DNM3: variants seen among roughly 807,000 people sequenced by gnomAD.
DNM3 encodes dynamin-3.
DNM3 carries 47 observed loss-of-function variants against 101.6 expected under a neutral mutation model. That is an observed-to-expected ratio of 0.46 (90% CI 0.37 to 0.59). The LOEUF is 0.59. DNM3 is among the 20% of genes least tolerant of loss of function. The pLI, the probability that DNM3 is intolerant of heterozygous loss-of-function variation, is 0.00. For missense variants in DNM3, 849 were observed against 1,085.7 expected, an observed-to-expected ratio of 0.78 and a Z score of 3.06; for synonymous variants, 385 against 387.9, an observed-to-expected ratio of 0.99 and a Z score of 0.09.
At chr1:172,058,257 C>A (rs1164739491) in intron 10 of DNM3, among the ~76,000 whole-genome samples, 1 of 151,916 alleles carries the variant, frequency 6.6e-6, no homozygotes, top group African/African-American at 2.4e-5. Flanking sequence ...GAGACTTTAA[C>A]ACCCCACTGT....
At chr1:172,079,579 T>C (rs12568927) in intron 11 of DNM3, among the ~76,000 whole-genome samples, 4,541 of 152,190 alleles carry the variant, frequency 0.03, 161 homozygotes, top group East Asian at 0.14. Context: ...TCCTTTAGCT[T>C]GGAGGAGTTT....
At chr1:172,348,384 A>G (rs536820675) in intron 17 of DNM3, among the ~76,000 whole-genome samples, 8 of 152,326 alleles carry the variant, frequency 5.3e-5, no homozygotes, top group African/African-American at 1.9e-4. Context: ...CACCAAAGAA[A>G]AAAAGATCCT....
intron 1 of DNM3, among the ~76,000 whole-genome samples, chr1:171,861,549 C>T (rs1396323466): frequency 6.6e-6 from 1 of 152,030 alleles, no homozygotes; most frequent in African/African-American, 2.4e-5. Flanking sequence ...CAAAAGAATA[C>T]ATTGGGGCCC....
intron 14 of DNM3, among the ~76,000 whole-genome samples, chr1:172,229,027 C>T (rs2061239709): frequency 6.6e-6 from 1 of 152,134 alleles, no homozygotes; most frequent in African/African-American, 2.4e-5. Context: ...TTCTAAATAA[C>T]ATCTTATCTA....
chr1:172,335,782 G>T (rs1203956490), intron 17 of DNM3, among the ~76,000 whole-genome samples: 1 of 152,136 alleles, frequency 6.6e-6, no homozygotes, highest in Admixed American at 6.5e-5. Flanking sequence ...AGACACTGGG[G>T]ACTACTGGAT....
At chr1:171,975,815 G>T (rs1225444405) in intron 2 of DNM3, among the ~76,000 whole-genome samples, 2 of 152,176 alleles carry the variant, frequency 1.3e-5, no homozygotes, top group East Asian at 3.9e-4. Context: ...AACATTATCT[G>T]ATCTCGAGAC....
intron 13 of DNM3, among the ~76,000 whole-genome samples, chr1:172,102,918 A>C (rs958254825): frequency 1.3e-5 from 2 of 152,154 alleles, no homozygotes; most frequent in African/African-American, 4.8e-5. Flanking sequence ...CTCACCAAAG[A>C]TATTATTTTA....
chr1:171,914,374 C>G (rs886304512), intron 1 of DNM3, among the ~76,000 whole-genome samples: 1 of 152,164 alleles, frequency 6.6e-6, no homozygotes, highest in African/African-American at 2.4e-5. Context: ...TCAGGCTTGT[C>G]TTGAACTCCC....
At chr1:171,966,340 C>G (rs371571854) in intron 2 of DNM3, among the ~76,000 whole-genome samples, 1 of 152,190 alleles carries the variant, frequency 6.6e-6, no homozygotes, top group Admixed American at 6.5e-5. Flanking sequence ...TGAAAGGTCT[C>G]TCACTAAGCA....
chr1:172,232,895 A>G (rs1020192013), intron 14 of DNM3, among the ~76,000 whole-genome samples: 2 of 152,220 alleles, frequency 1.3e-5, no homozygotes, highest in Non-Finnish European at 2.9e-5. Flanking sequence ...AGCAGTGTGT[A>G]GAGGGAAATT....
rs73035311 is a variant in DNM3 at position 172,002,397 on chromosome 1, T to C, written c.589+13249T>C. Among the ~76,000 whole-genome samples, 619 of 152,202 alleles carry C rather than the reference T, an allele frequency of 4.1e-3. 2 individuals carry two copies. The highest frequency in any genetic ancestry group is 0.014 in the African/African-American group (577 of 41,568). ...CTAAACCTGAAGGGTTTGGAGTCTTTGAAAAATTTGTTTTACAAGTTCTAT... is the reference window on the plus strand; with the variant it reads ...CTAAACCTGAAGGGTTTGGAGTCTTCGAAAAATTTGTTTTACAAGTTCTAT... On this transcript the variant is annotated intron_variant, in intron 4 of 20. Coordinates refer to ENST00000627582, the MANE Select transcript of DNM3 (RefSeq NM_015569.5).
intron 15 of DNM3, among the ~76,000 whole-genome samples, chr1:172,291,760 C>G (rs567307828): frequency 6.6e-6 from 1 of 152,240 alleles, no homozygotes; most frequent in East Asian, 1.9e-4. Context: ...GCAGTCAGCA[C>G]AGTTGTATAG....
At chr1:172,146,962 T>C (rs928009097) in intron 14 of DNM3, among the ~76,000 whole-genome samples, 2 of 152,130 alleles carry the variant, frequency 1.3e-5, no homozygotes, top group African/African-American at 4.8e-5. Context: ...GTGACTTAAC[T>C]TTATACTAAT....
chr1:172,256,995 T>C (rs1176051737), intron 15 of DNM3, among the ~76,000 whole-genome samples: 3 of 151,888 alleles, frequency 2.0e-5, no homozygotes, highest in African/African-American at 7.2e-5. Context: ...TCTAACTTAA[T>C]TGTATTGTGA....
chr1:172,103,740 C>T lies in DNM3; in HGVS notation c.1545+10865C>T, dbSNP rs374417589. Reference sequence around the variant, plus strand: ...TACAGAGGCCAGGCGCGGCGGCTCACGCCTGTAATCCCAGCACTTTGGGGT... The same window carrying T: ...TACAGAGGCCAGGCGCGGCGGCTCATGCCTGTAATCCCAGCACTTTGGGGT... On this transcript the variant is annotated intron_variant, in intron 13 of 20. Transcript: ENST00000627582. Among the ~76,000 whole-genome samples the T allele has an allele frequency of 1.8e-4, 27 of 152,310 alleles. No individual in the cohort carries two copies. The East Asian group carries it at 2.3e-3, about 13-fold the overall frequency.
Position 172,168,725 on chromosome 1 carries a change from C to T in DNM3, c.1659+37437C>T, listed in dbSNP as rs191919208. Among the ~76,000 whole-genome samples, 309 of 152,038 alleles carry T rather than the reference C, an allele frequency of 2.0e-3. 2 individuals are homozygous for T. The highest frequency in any genetic ancestry group is 0.017 in the Middle Eastern group (5 of 294). ...AGCCCAAATGCAGACATTAGGTTTG[C>T]AAGGTGTCCCCAGCCAACTCCACAT... is the stretch of plus-strand genomic sequence containing the variant. On this transcript the variant is annotated intron_variant, in intron 14 of 20. Transcript: ENST00000627582.
intron 1 of DNM3, among the ~76,000 whole-genome samples, chr1:171,899,869 G>A (rs1342215247): frequency 6.6e-6 from 1 of 152,202 alleles, no homozygotes; most frequent in Non-Finnish European, 1.5e-5. Context: ...GACTAGGCAG[G>A]TTAAGAAAAG....
At chr1:171,953,332 G>A (rs1469734552) in intron 2 of DNM3, among the ~76,000 whole-genome samples, 1 of 151,662 alleles carries the variant, frequency 6.6e-6, no homozygotes, top group Non-Finnish European at 1.5e-5. Context: ...GTTTAGTCAA[G>A]TCATCTGGCA....
chr1:172,330,380 G>A (rs2066131259), intron 17 of DNM3, among the ~76,000 whole-genome samples: 1 of 151,856 alleles, frequency 6.6e-6, no homozygotes, highest in Non-Finnish European at 1.5e-5. Context: ...GCATGCCATA[G>A]GTAGCATAAT....
Sources: gnomAD v4.1 joint callset for allele counts (sites outside exome capture counted in the v4.1 genomes callset) on GRCh38, gnomAD v4.1.1 for gene constraint, MANE v1.5 for transcripts, NCBI Gene and HGNC (gene_info 2026-07-23, HGNC 2026-07-21) for gene names.